Variants in ZNF407 observed in about 807,000 individuals in gnomAD.
The protein encoded by ZNF407 is zinc finger protein 407.
A neutral mutation model predicts 131.2 loss-of-function variants in ZNF407; 17 were observed. The ratio of observed to expected loss-of-function variants is 0.13; its 90% confidence interval spans 0.09 to 0.19. The LOEUF is 0.19. Ranked by LOEUF, ZNF407 falls within the 10% of genes least tolerant of loss-of-function variation. ZNF407 has a pLI of 1.00. For missense variants in ZNF407, 2,681 were observed against 2,830.6 expected, an observed-to-expected ratio of 0.95 and a Z score of 1.20; for synonymous variants, 1,156 against 1,062.0, an observed-to-expected ratio of 1.09 and a Z score of -1.72.
intron 4 of ZNF407, among the ~76,000 whole-genome samples, chr18:74,873,803 C>T (rs749146468): frequency 7.9e-5 from 12 of 152,130 alleles, no homozygotes; most frequent in Middle Eastern, 3.4e-3. Context: ...TGAGAAGGGG[C>T]CTTATTCCAA....
chr18:74,626,532 G>A (rs367642899), intron 1 of ZNF407, among the ~76,000 whole-genome samples: 1 of 152,162 alleles, frequency 6.6e-6, no homozygotes, highest in Non-Finnish European at 1.5e-5. Context: ...CTCAGTGCAC[G>A]AGTGTGTTGG....
intron 5 of ZNF407, 60 bp from the exon 6 acceptor site, chr18:74,880,976 T>C (rs1971229154): frequency 1.4e-6 from 2 of 1,410,156 alleles, no homozygotes; most frequent in Non-Finnish European, 2.0e-6. Context: ...AAAGCCTTGA[T>C]AGATATGTTT....
intron 8 of ZNF407, among the ~76,000 whole-genome samples, chr18:74,977,738 A>G (rs1166863955): frequency 6.6e-6 from 1 of 152,208 alleles, no homozygotes; most frequent in Non-Finnish European, 1.5e-5. Flanking sequence ...CCACAGTCAG[A>G]ATACGTTCTT....
intron 8 of ZNF407, among the ~76,000 whole-genome samples, chr18:74,934,909 T>C (rs1426019958): frequency 6.6e-6 from 1 of 152,248 alleles, no homozygotes; most frequent in Admixed American, 6.5e-5. Flanking sequence ...ACTTATTAAG[T>C]ACTCTATGAG....
chr18:74,847,945 T>C (rs1970725337), intron 4 of ZNF407, among the ~76,000 whole-genome samples: 1 of 152,188 alleles, frequency 6.6e-6, no homozygotes, highest in South Asian at 2.1e-4. Context: ...TTTCCTCTCA[T>C]GTAAGGCTAT....
chr18:74,820,072 T>C (rs962716258), intron 4 of ZNF407, among the ~76,000 whole-genome samples: 1 of 152,178 alleles, frequency 6.6e-6, no homozygotes, highest in Non-Finnish European at 1.5e-5. Flanking sequence ...ATCAGGATAA[T>C]GAAGACAGTG....
chr18:74,822,137 T>G (rs186283689), intron 4 of ZNF407, among the ~76,000 whole-genome samples: 86 of 152,332 alleles, frequency 5.6e-4, no homozygotes, highest in African/African-American at 2.0e-3. Flanking sequence ...TCTTGTAAAT[T>G]TAAGTTCTTT....
intron 8 of ZNF407, among the ~76,000 whole-genome samples, chr18:75,002,434 T>C (rs1401826964): frequency 2.6e-5 from 4 of 152,122 alleles, no homozygotes; most frequent in African/African-American, 9.7e-5. Flanking sequence ...GTTCCAGTTC[T>C]CATTAAATCA....
intron 8 of ZNF407, among the ~76,000 whole-genome samples, chr18:74,993,380 G>A (rs965080955): frequency 2.0e-5 from 3 of 152,152 alleles, no homozygotes; most frequent in South Asian, 2.1e-4. Flanking sequence ...AAGCAAAAGC[G>A]CAGACACAGA....
intron 3 of ZNF407, among the ~76,000 whole-genome samples, chr18:74,692,789 C>G (rs568929387): frequency 3.3e-5 from 5 of 152,230 alleles, no homozygotes; most frequent in Middle Eastern, 3.4e-3. Flanking sequence ...TAGCTCTCCC[C>G]CAGAGACAGG....
Position 74,637,114 on chromosome 18 carries a change from A to G in ZNF407, c.4687+1408A>G, listed in dbSNP as rs535502221. Among the ~76,000 whole-genome samples, 4 of 152,346 alleles carry G rather than the reference A, an allele frequency of 2.6e-5. No homozygotes were observed. The South Asian group carries it at 8.3e-4, about 32-fold the overall frequency. ...GAATTCTCTTGTAATTATAGTCAATAAGTCTTGTAAATGTGTTAAAGCTCA... is the reference window on the plus strand; with the variant it reads ...GAATTCTCTTGTAATTATAGTCAATGAGTCTTGTAAATGTGTTAAAGCTCA... On this transcript the variant is annotated intron_variant, in intron 2 of 8. Coordinates refer to ENST00000299687, the MANE Select transcript of ZNF407 (RefSeq NM_017757.3).
At chr18:74,987,215 C>G (rs535072636) in intron 8 of ZNF407, among the ~76,000 whole-genome samples, 1 of 151,512 alleles carries the variant, frequency 6.6e-6, no homozygotes, top group African/African-American at 2.4e-5. Context: ...GTGTCAGTAC[C>G]GGGGAATTTT....
intron 1 of ZNF407, among the ~76,000 whole-genome samples, chr18:74,628,614 C>G (rs1983906088): frequency 6.6e-6 from 1 of 152,112 alleles, no homozygotes; most frequent in African/African-American, 2.4e-5. Context: ...GACAAGGTCT[C>G]TGTCTCTGTC....
chr18:74,713,480 A>T (rs1226542101), intron 3 of ZNF407, among the ~76,000 whole-genome samples: 1 of 151,898 alleles, frequency 6.6e-6, no homozygotes, highest in African/African-American at 2.4e-5. Context: ...AGATTTAAAA[A>T]ATAGATTTTA....
chr18:74,958,230 C>T (rs1972298610), intron 8 of ZNF407, among the ~76,000 whole-genome samples: 1 of 152,176 alleles, frequency 6.6e-6, no homozygotes, highest in Admixed American at 6.5e-5. Flanking sequence ...AAAAGATCAG[C>T]AAAAGAGAAC....
chr18:74,760,733 T>C (rs1454160257), intron 3 of ZNF407, among the ~76,000 whole-genome samples: 2 of 152,132 alleles, frequency 1.3e-5, no homozygotes, highest in Admixed American at 6.5e-5. Context: ...GTTCCTAACC[T>C]GTTTGACCGC....
At chr18:74,737,542 C>T (rs1248117902) in intron 3 of ZNF407, among the ~76,000 whole-genome samples, 1 of 152,144 alleles carries the variant, frequency 6.6e-6, no homozygotes, top group Non-Finnish European at 1.5e-5. Flanking sequence ...TGCTATACTT[C>T]TTCTTATATA....
chr18:74,979,121 C>G (rs930603929), intron 8 of ZNF407, among the ~76,000 whole-genome samples: 2 of 152,156 alleles, frequency 1.3e-5, no homozygotes, highest in African/African-American at 4.8e-5. Context: ...GGGTGTGGTA[C>G]GACCGAGAAA....
intron 8 of ZNF407, among the ~76,000 whole-genome samples, chr18:74,949,385 A>G (rs1007344072): frequency 6.6e-6 from 1 of 152,328 alleles, no homozygotes; most frequent in African/African-American, 2.4e-5. Context: ...ATATTAATAG[A>G]TGAGCTTGCT....
Sources: gnomAD v4.1 joint callset for allele counts (sites outside exome capture counted in the v4.1 genomes callset) on GRCh38, gnomAD v4.1.1 for gene constraint, MANE v1.5 for transcripts, NCBI Gene and HGNC (gene_info 2026-07-23, HGNC 2026-07-21) for gene names.